The following ME3 variants were observed in gnomAD, a reference collection of about 807,000 sequenced individuals.
ME3 encodes malic enzyme 3.
A neutral mutation model predicts 68.9 loss-of-function variants in ME3; 48 were observed. That is an observed-to-expected ratio of 0.70 (90% CI 0.55 to 0.89). The LOEUF is 0.89. Ranked by LOEUF, ME3 falls within the 40% of genes least tolerant of loss-of-function variation. The probability of loss-of-function intolerance (pLI) is 0.00; values close to 1 mark genes in which losing one functional copy is unlikely to be tolerated. For missense variants in ME3, 675 were observed against 797.4 expected (o/e 0.85, Z 1.85); for synonymous variants, 320 against 318.8 (o/e 1.00, Z -0.04).
intron 2 of ME3, among the ~76,000 whole-genome samples, chr11:86,589,099 G>A (rs1201448702): frequency 6.6e-6 from 1 of 152,174 alleles, no homozygotes; most frequent in Non-Finnish European, 1.5e-5. Flanking sequence ...ATTGGCCTGG[G>A]AATCCAGGCA....
At position 86,618,299 on chromosome 11, in the gene ME3, C is replaced by CAAA. The variant is rs55824426; in HGVS notation, c.183+53460_183+53462dup. Among the ~76,000 whole-genome samples, 449 of 55,918 alleles carry CAAA rather than the reference C, an allele frequency of 8.0e-3. 79 individuals carry two copies. Among genetic ancestry groups the CAAA allele is most frequent in the Middle Eastern group, 0.015 (1 of 66 alleles). 36.7% of individuals were successfully genotyped at this position (55,918 alleles called of 152,430 possible). ...TGGGCGACAGAGCAAGGCTCTGTCTCAAAAAAAAAAAAAAAAAAAAAAAAA... is the reference window on the plus strand; with the variant it reads ...TGGGCGACAGAGCAAGGCTCTGTCTCAAAAAAAAAAAAAAAAAAAAAAAAAAAA... On this transcript the variant is annotated intron_variant, in intron 2 of 14. Coordinates refer to ENST00000543262, the Ensembl canonical transcript of ME3.
chr11:86,471,324 C>T (rs560358381), intron 7 of ME3, among the ~76,000 whole-genome samples: 5 of 151,924 alleles, frequency 3.3e-5, no homozygotes, highest in East Asian at 1.9e-4. Context: ...TTACTAGAGA[C>T]GGGATTTCAC....
intron 2 of ME3, among the ~76,000 whole-genome samples, chr11:86,583,258 A>G (rs1373002880): frequency 6.6e-6 from 1 of 152,212 alleles, no homozygotes; most frequent in African/African-American, 2.4e-5. Context: ...GATGAAGCCT[A>G]AATCTCACAT....
At chr11:86,539,758 T>C (rs1016505491) in intron 4 of ME3, among the ~76,000 whole-genome samples, 9 of 152,192 alleles carry the variant, frequency 5.9e-5, no homozygotes, top group African/African-American at 2.2e-4. Context: ...TTATTCTTTG[T>C]CCTTTTAATC....
intron 4 of ME3, among the ~76,000 whole-genome samples, chr11:86,524,794 A>G (rs2139213513): frequency 6.6e-6 from 1 of 152,356 alleles, no homozygotes; most frequent in South Asian, 2.1e-4. Context: ...AAGCAAATGT[A>G]AGAGACAGCT....
intron 6 of ME3, 67 bp downstream of exon 6, chr11:86,497,896 A>T: frequency 1.3e-6 from 2 of 1,495,954 alleles, no homozygotes; most frequent in Non-Finnish European, 1.8e-6. Flanking sequence ...ACCCACAAAC[A>T]TGCTCCTCAC....
chr11:86,457,991 ACTT>A (rs1280319305), intron 8 of ME3, among the ~76,000 whole-genome samples: 1 of 152,106 alleles, frequency 6.6e-6, no homozygotes, highest in African/African-American at 2.4e-5. Context: ...GTAAGGGAAA[ACTT>A]CTGACCCAGG....
At chr11:86,445,676 A>G (rs757239534) in intron 13 of ME3, among the ~76,000 whole-genome samples, 10 of 152,330 alleles carry the variant, frequency 6.6e-5, no homozygotes, top group East Asian at 1.9e-4. Flanking sequence ...ACTGTTATCA[A>G]TAACCATGAG....
At chr11:86,541,885 A>T (rs35686713) in intron 4 of ME3, among the ~76,000 whole-genome samples, 1 of 152,092 alleles carries the variant, frequency 6.6e-6, no homozygotes, top group Admixed American at 6.5e-5. Context: ...GGGTCAACAG[A>T]TACCTCATAC....
downstream of ME3, among the ~76,000 whole-genome samples, chr11:86,437,672 G>A (rs1948905370): frequency 6.6e-6 from 1 of 151,984 alleles, no homozygotes; most frequent in South Asian, 2.1e-4. Context: ...TACTATACTT[G>A]CACTTCTAAA....
chr11:86,593,690 A>G (rs7116278), intron 2 of ME3, among the ~76,000 whole-genome samples: 12,839 of 146,302 alleles, frequency 0.088, 1,974 homozygotes, highest in East Asian at 0.26. Flanking sequence ...TTTTCTTCCT[A>G]TCTTTTTTCT....
intron 8 of ME3, chr11:86,462,667 G>A (rs150219096): frequency 1.8e-5 from 20 of 1,134,004 alleles, no homozygotes; most frequent in Middle Eastern, 4.6e-4. Context: ...TAGCAGGCGC[G>A]GTGCTGGGAG....
intron 2 of ME3, among the ~76,000 whole-genome samples, chr11:86,612,449 A>C (rs757247503): frequency 6.6e-6 from 1 of 152,190 alleles, no homozygotes; most frequent in Non-Finnish European, 1.5e-5. Flanking sequence ...TGCTGGGTCA[A>C]ATGGTATTTC....
At chr11:86,510,861 A>G (rs1953466945) in intron 4 of ME3, among the ~76,000 whole-genome samples, 1 of 152,236 alleles carries the variant, frequency 6.6e-6, no homozygotes. Flanking sequence ...AACCAAATTT[A>G]TCATCTAATC....
Position 86,509,574 on chromosome 11 carries a change from G to T in ME3, c.468-707C>A, listed in dbSNP as rs1444243600. Among the ~76,000 whole-genome samples, 7 of 152,208 alleles carry T rather than the reference G, an allele frequency of 4.6e-5. No individual in the cohort carries two copies. In the East Asian group the frequency reaches 1.3e-3, roughly 29 times the overall value. On this transcript the variant is annotated intron_variant, in intron 4 of 14. Transcript: ENST00000543262. The stretch of plus-strand genomic sequence containing the variant: ...CAGTCCAATCTGCAGGCAACTTGGG[G>T]CAACAGGAGGCCAAAGTCTTAATAG...
chr11:86,535,737 T>C (rs908952818), intron 4 of ME3, among the ~76,000 whole-genome samples: 1 of 152,228 alleles, frequency 6.6e-6, no homozygotes, highest in African/African-American at 2.4e-5. Flanking sequence ...ATTCATGTTT[T>C]AAAAATTTAA....
chr11:86,573,046 T>G (rs1300256728), intron 2 of ME3, among the ~76,000 whole-genome samples: 1 of 149,774 alleles, frequency 6.7e-6, no homozygotes, highest in Non-Finnish European at 1.5e-5. Context: ...TTTAGCTTTT[T>G]CTCATATGTT....
intron 2 of ME3, among the ~76,000 whole-genome samples, chr11:86,595,610 G>C (rs1959304483): frequency 6.6e-6 from 1 of 152,172 alleles, no homozygotes; most frequent in Non-Finnish European, 1.5e-5. Context: ...TGTCTCCTAT[G>C]AACCAGGCAC....
chr11:86,659,369 G>A (rs2135480404), intron 2 of ME3, among the ~76,000 whole-genome samples: 1 of 152,300 alleles, frequency 6.6e-6, no homozygotes, highest in East Asian at 1.9e-4. Context: ...AAGATGGTAG[G>A]TAGAAGAGAC....
Sources: allele counts gnomAD v4.1 joint callset (sites outside exome capture counted in the v4.1 genomes callset), GRCh38; gene constraint gnomAD v4.1.1; transcripts MANE v1.5; gene names NCBI Gene and HGNC (gene_info 2026-07-23, HGNC 2026-07-21).